The following CRB2 variants were observed in gnomAD, a reference collection of about 807,000 sequenced individuals.
The protein encoded by CRB2 is crumbs cell polarity complex component 2.
A neutral mutation model predicts 110.9 loss-of-function variants in CRB2; 85 were observed. The ratio of observed to expected loss-of-function variants is 0.77; its 90% CI spans 0.64 to 0.92. The LOEUF is 0.92. Ranked by LOEUF, CRB2 falls within the 40% of genes least tolerant of loss-of-function variation. The pLI, the probability that CRB2 is intolerant of heterozygous loss-of-function variation, is 0.00. For missense variants in CRB2, 1,843 were observed against 1,851.3 expected (o/e 1.00, Z 0.08); for synonymous variants, 907 against 831.0 (o/e 1.09, Z -1.57).
rs566513561 is a variant in CRB2, at chr9:123,357,741, G to A, written c.94+1387G>A. Among the ~76,000 whole-genome samples, 55 of 152,326 alleles carry A rather than the reference G, an allele frequency of 3.6e-4. 2 individuals are homozygous for A. In the South Asian group the frequency reaches 7.5e-3, roughly 21 times the overall value. ...TGTGATGCTCACACACCCACACTCC[G>A]CACACCTGTGTGGCATGCCCAAGGG... On this transcript the variant is annotated intron_variant, in intron 1 of 12. Coordinates refer to ENST00000373631, the MANE Select transcript of CRB2 (RefSeq NM_173689.7).
At position 123,372,210 on chromosome 9, in the gene CRB2, G is replaced by C. The variant is rs779612230; in HGVS notation, c.2470G>C (p.Val824Leu). The C allele has an allele frequency of 6.2e-7, 1 of 1,614,064 alleles. No individual in the cohort carries two copies. Among genetic ancestry groups the C allele is most frequent in the South Asian group, 1.1e-5 (1 of 91,084 alleles). The change falls in exon 9 of 13, where the codon GTC becomes CTC. Residue 824 changes from valine to leucine, a missense_variant. Coordinates refer to ENST00000373631, the MANE Select transcript of CRB2 (RefSeq NM_173689.7). ...CTGTTTCAATGGTGGGACTTGCCTC[G>C]TCACCTGGAATGACTTCCACTGTAC... ...DPCFNGGTCL[V>L]TWNDFHCTCP...
At chr9:123,375,189 C>G in intron 11 of CRB2, 28 bp from the exon 12 acceptor site, 1 of 1,610,922 alleles carries the variant, frequency 6.2e-7, no homozygotes, top group Non-Finnish European at 8.5e-7. Context: ...TGGGGGAAGC[C>G]GCTTTCTCAG....
intron 1 of CRB2, among the ~76,000 whole-genome samples, chr9:123,362,227 C>T (rs2041876641): frequency 6.6e-6 from 1 of 152,124 alleles, no homozygotes; most frequent in Non-Finnish European, 1.5e-5. Context: ...AGTTGTCCAC[C>T]CATCCTCCAG....
chr9:123,354,870 G>T (rs1426910889), upstream of CRB2, among the ~76,000 whole-genome samples: 6 of 152,190 alleles, frequency 3.9e-5, 1 homozygote, highest in Non-Finnish European at 7.4e-5. Context: ...GTCGGCCAGG[G>T]CCTGTGTGGT....
At chr9:123,364,976 G>A (rs1157061344) in intron 2 of CRB2, among the ~76,000 whole-genome samples, 1 of 152,180 alleles carries the variant, frequency 6.6e-6, no homozygotes, top group Non-Finnish European at 1.5e-5. Context: ...TAAAAAGTAG[G>A]TAGGGCCAGG....
At chr9:123,363,591 C>T (rs565785678) in intron 2 of CRB2, among the ~76,000 whole-genome samples, 27 of 152,172 alleles carry the variant, frequency 1.8e-4, no homozygotes, top group Non-Finnish European at 3.7e-4. Context: ...ACTGTCTACA[C>T]GACAGTCACC....
At chr9:123,374,782 C>T in intron 11 of CRB2, 87 bp downstream of exon 11, 2 of 869,428 alleles carry the variant, frequency 2.3e-6, no homozygotes, top group Non-Finnish European at 3.6e-6. Flanking sequence ...GGGTCCTCGC[C>T]CACCTTCTCA....
In CRB2 at chr9:123,373,877, T is replaced by G. The variant is rs2042061147; in HGVS notation, c.3346T>G (p.Phe1116Val). 1 of 1,550,198 alleles carries G rather than the reference T, an allele frequency of 6.5e-7. No individual in the cohort carries two copies. The highest frequency in any genetic ancestry group is 8.7e-7 in the Non-Finnish European group (1 of 1,150,988). The change falls in exon 10 of 13, where the codon TTC (phenylalanine) becomes GTC (valine). Residue 1116 changes from phenylalanine to valine, a missense_variant. Physicochemically the swap from Phe to Val is conservative, Grantham distance 50 (BLOSUM62 -1). Coordinates refer to ENST00000373631, the MANE Select transcript of CRB2 (RefSeq NM_173689.7). ...CTGTCACACGCACCCCGACGGCCGC[T>G]TCGAGTGCCGCTGCCCGCCTGGCTT... is the stretch of plus-strand genomic sequence containing the variant. ...GRCHTHPDGR[F>V]ECRCPPGFGG...
In CRB2 at chr9:123,366,336, C is replaced by G. The variant is rs140315150; in HGVS notation, c.724C>G (p.Leu242Val). 1.9e-6 allele frequency: 3 copies of G among 1,545,322 alleles called. No individual in the cohort carries two copies. The African/African-American group carries it at 4.3e-5, about 22-fold the overall frequency. Residue 242 changes from leucine (L) to valine (V), a missense_variant, in exon 4 of 13, where the codon CTC (leucine) becomes GTC (valine). Coordinates refer to ENST00000373631, the MANE Select transcript of CRB2 (RefSeq NM_173689.7). Reference protein sequence around the residue: ...CEHNASCLEGLGSFRCLCWPG... With the variant: ...CEHNASCLEGVGSFRCLCWPG... Reference sequence around the variant, plus strand: ...GCACAACGCGTCCTGCCTCGAGGGCCTCGGGAGCTTCCGCTGCCTCTGTTG... The same window carrying G: ...GCACAACGCGTCCTGCCTCGAGGGCGTCGGGAGCTTCCGCTGCCTCTGTTG...
chr9:123,376,756 G>C (rs1488934167), intron 12 of CRB2, 82 bp from the exon 13 acceptor site: 1 of 1,299,370 alleles, frequency 7.7e-7, no homozygotes, highest in African/African-American at 1.5e-5. Flanking sequence ...GTAGGTCCTT[G>C]TGCTGCGCTC....
intron 1 of CRB2, 96 bp downstream of exon 1, chr9:123,356,450 G>A: frequency 1.1e-6 from 1 of 951,534 alleles, no homozygotes; most frequent in Non-Finnish European, 1.5e-6. Flanking sequence ...GGGTGGGCTG[G>A]TCCGCGTGGG....
Position 123,371,194 on chromosome 9 carries a change from G to A in CRB2, c.2052G>A (p.Leu684=). The A allele has an allele frequency of 6.2e-7, 1 of 1,613,908 alleles. No homozygotes were observed. Among genetic ancestry groups the A allele is most frequent in the Non-Finnish European group, 8.5e-7 (1 of 1,180,042 alleles). ...TCCGCACTCGGGAGTCCGCTGGCCT[G>A]TTGCTCCAGTTTGCCAATGACTCCG... The part of the protein sequence containing the change: ...FLLRTRESAG[L]LLQFANDSAA... The change falls in exon 8 of 13, where the codon CTG becomes CTA. Residue 684 remains leucine, a synonymous_variant. Coordinates refer to ENST00000373631, the MANE Select transcript of CRB2 (RefSeq NM_173689.7).
At position 123,367,159 on chromosome 9, in the gene CRB2, T is replaced by A. The variant is rs1016888095; in HGVS notation, c.755-13T>A. ...CCCCGTGAGACCTGATGTCCGCGTG[T>A]GTGTGCCCCCAGGCTACAGCGGCGA... On this transcript the variant is annotated splice_polypyrimidine_tract_variant and intron_variant, in intron 4 of 12. Coordinates refer to ENST00000373631, the MANE Select transcript of CRB2 (RefSeq NM_173689.7). The A allele has an allele frequency of 5.1e-6, 8 of 1,571,914 alleles. No individual in the cohort carries two copies. In the African/African-American group the frequency reaches 1.1e-4, roughly 22 times the overall value.
At chr9:123,357,617 G>A (rs1332269340) in intron 1 of CRB2, among the ~76,000 whole-genome samples, 1 of 152,084 alleles carries the variant, frequency 6.6e-6, no homozygotes, top group Admixed American at 6.5e-5. Context: ...TAGAGGGGTG[G>A]GGCATGGTGG....
intron 1 of CRB2, among the ~76,000 whole-genome samples, chr9:123,361,133 G>A (rs1333659566): frequency 7.5e-5 from 5 of 66,354 alleles, no homozygotes; most frequent in African/African-American, 1.6e-4. Flanking sequence ...TTGGATGGGC[G>A]GGGAGGGGGG....
rs2042143326 is a variant in CRB2, at chr9:123,378,625, A to C, written c.*1563A>C. 1 of 151,754 alleles carries C rather than the reference A, an allele frequency of 6.6e-6. No homozygotes were observed. Among genetic ancestry groups the C allele is most frequent in the East Asian group, 1.9e-4 (1 of 5,156 alleles). 9.4% of individuals were successfully genotyped at this position (151,754 alleles called of 1,614,324 possible). The stretch of plus-strand genomic sequence containing the variant: ...CACCTTTCCCTGAACTTTCTCTACA[A>C]CCCTTGGGAGCGTGGGGAGGAGGCG... On this transcript the variant is annotated 3_prime_UTR_variant, in exon 13 of 13. Transcript: ENST00000373631.
intron 8 of CRB2, 55 bp downstream of exon 8, chr9:123,371,633 C>T (rs990846686): frequency 4.4e-6 from 7 of 1,600,642 alleles, no homozygotes; most frequent in Middle Eastern, 1.7e-4. Flanking sequence ...TTCCCAGGAT[C>T]TGTCCTGTGT....
intron 1 of CRB2, among the ~76,000 whole-genome samples, chr9:123,360,014 G>T (rs1406264929): frequency 6.6e-6 from 1 of 152,094 alleles, no homozygotes; most frequent in Non-Finnish European, 1.5e-5. Context: ...GGCAATTTAG[G>T]GTTTGTAAAG....
At position 123,362,945 on chromosome 9, in the gene CRB2, G is replaced by A. The variant is rs2041885057; in HGVS notation, c.175G>A (p.Gly59Ser). The change falls in exon 2 of 13, where the codon GGT (glycine) becomes AGT (serine). Residue 59 changes from glycine to serine, a missense_variant. Transcript: ENST00000373631. ...GACCGAGTGCCAGGCTACCGAGAGT[G>A]GTGGCTATACCTGTGGGCCCATGGA... ...PGTECQATES[G>S]GYTCGPMEPR... is the part of the protein sequence containing the mutation. The A allele has an allele frequency of 1.2e-6, 2 of 1,606,828 alleles. No homozygotes were observed. Among genetic ancestry groups the A allele is most frequent in the Non-Finnish European group, 1.7e-6 (2 of 1,174,836 alleles).
Sources: allele counts gnomAD v4.1 joint callset (sites outside exome capture counted in the v4.1 genomes callset), GRCh38; gene constraint gnomAD v4.1.1; transcripts MANE v1.5; gene names NCBI Gene and HGNC (gene_info 2026-07-23, HGNC 2026-07-21).